The following CSMD1 variants were observed in gnomAD, a reference collection of about 807,000 sequenced individuals.
The protein encoded by CSMD1 is CUB and Sushi multiple domains 1.
CSMD1 carries 213 observed loss-of-function variants against 417.5 expected under a neutral mutation model. That is an observed-to-expected ratio of 0.51 (90% CI 0.46 to 0.57). The LOEUF is 0.57. CSMD1 is among the 20% of genes least tolerant of loss of function. The probability of loss-of-function intolerance (pLI) is 0.00; values close to 1 mark genes in which losing one functional copy is unlikely to be tolerated. For synonymous variants in CSMD1, 2,862 were observed against 1,736.8 expected, an observed-to-expected ratio of 1.65 and a Z score of -16.11; for missense variants, 6,923 against 4,529.7, an observed-to-expected ratio of 1.53 and a Z score of -15.17.
intron 3 of CSMD1, among the ~76,000 whole-genome samples, chr8:4,254,284 T>G (rs1465139608): frequency 1.3e-5 from 2 of 152,060 alleles, no homozygotes; most frequent in East Asian, 3.9e-4. Context: ...GCCAGTTACT[T>G]CCCTAAAAAC....
chr8:3,035,233 G>C (rs373300511), intron 50 of CSMD1, among the ~76,000 whole-genome samples: 5 of 152,242 alleles, frequency 3.3e-5, no homozygotes, highest in African/African-American at 1.2e-4. Context: ...AGATACTGCA[G>C]AGCGCGGCTG....
At chr8:4,173,573 T>G (rs966602871) in intron 3 of CSMD1, among the ~76,000 whole-genome samples, 46 of 152,110 alleles carry the variant, frequency 3.0e-4, no homozygotes, top group Non-Finnish European at 5.7e-4. Flanking sequence ...TCAAATGATG[T>G]AACAATATGA....
intron 18 of CSMD1, among the ~76,000 whole-genome samples, chr8:3,372,680 C>G (rs1810041914): frequency 1.3e-5 from 2 of 152,100 alleles, no homozygotes; most frequent in Admixed American, 1.3e-4. Flanking sequence ...AGAACCAGGT[C>G]ATGAGTGTAA....
intron 21 of CSMD1, among the ~76,000 whole-genome samples, chr8:3,353,285 A>T (rs1808534785): frequency 6.6e-6 from 1 of 152,198 alleles, no homozygotes; most frequent in Non-Finnish European, 1.5e-5. Context: ...TTTTGGAGGC[A>T]TGTCTTCTGA....
chr8:3,556,340 A>G (rs1329323891), intron 10 of CSMD1, among the ~76,000 whole-genome samples: 1 of 147,786 alleles, frequency 6.8e-6, no homozygotes, highest in Non-Finnish European at 1.5e-5. Flanking sequence ...CATGAGTTCA[A>G]TTGATTTTAT....
intron 5 of CSMD1, among the ~76,000 whole-genome samples, chr8:3,995,511 T>C (rs370901940): frequency 1.3e-4 from 20 of 152,184 alleles, no homozygotes; most frequent in East Asian, 3.9e-4. Flanking sequence ...TGACAGGGCA[T>C]TGAAGCTCAG....
chr8:3,304,568 T>C (rs904105862), intron 25 of CSMD1, among the ~76,000 whole-genome samples: 6 of 152,188 alleles, frequency 3.9e-5, no homozygotes, highest in African/African-American at 1.2e-4. Context: ...CCTCTTAAGC[T>C]GCTTATTGGG....
intron 10 of CSMD1, among the ~76,000 whole-genome samples, chr8:3,532,642 T>C (rs1798030633): frequency 6.6e-6 from 1 of 152,222 alleles, no homozygotes; most frequent in Non-Finnish European, 1.5e-5. Flanking sequence ...TACATTCTAT[T>C]ACTCTGAAAC....
intron 3 of CSMD1, among the ~76,000 whole-genome samples, chr8:4,355,817 A>C (rs1801397623): frequency 6.6e-6 from 1 of 152,204 alleles, no homozygotes; most frequent in Non-Finnish European, 1.5e-5. Context: ...TTTGGAAGTG[A>C]AGATTTCTAG....
intron 3 of CSMD1, among the ~76,000 whole-genome samples, chr8:4,316,939 G>A (rs1377335218): frequency 6.6e-6 from 1 of 151,774 alleles, no homozygotes; most frequent in Non-Finnish European, 1.5e-5. Context: ...ATGAAAATAT[G>A]CCACATGTCA....
chr8:4,365,711 G>A (rs534154679), intron 3 of CSMD1, among the ~76,000 whole-genome samples: 1 of 152,226 alleles, frequency 6.6e-6, no homozygotes, highest in Admixed American at 6.5e-5. Context: ...GAGACTTTCT[G>A]CCACGTGCTT....
At position 4,583,974 on chromosome 8, in the gene CSMD1, G is replaced by A. The variant is rs144530469; in HGVS notation, c.302+53368C>T. On this transcript the variant is annotated intron_variant, in intron 2 of 69. Coordinates refer to ENST00000635120, the MANE Select transcript of CSMD1 (RefSeq NM_033225.6). Reference sequence around the variant, plus strand: ...CTGCAGCTTCACTCCTGAAGCCAACGAGACCACAAGCCCACCGGGAGGGGA... The same window carrying A: ...CTGCAGCTTCACTCCTGAAGCCAACAAGACCACAAGCCCACCGGGAGGGGA... Among the ~76,000 whole-genome samples, 280 of 151,964 alleles carry A rather than the reference G, an allele frequency of 1.8e-3. 4 individuals carry two copies. The East Asian group carries it at 0.026, about 14-fold the overall frequency.
chr8:4,156,371 T>C (rs1035659604), intron 3 of CSMD1, among the ~76,000 whole-genome samples: 5 of 152,158 alleles, frequency 3.3e-5, no homozygotes, highest in African/African-American at 1.2e-4. Context: ...CTTAAATGAA[T>C]GCAGAAGCCA....
chr8:3,945,493 T>A (rs996347862), intron 5 of CSMD1, among the ~76,000 whole-genome samples: 14 of 152,120 alleles, frequency 9.2e-5, no homozygotes, highest in Non-Finnish European at 1.9e-4. Context: ...ACTGTGAACT[T>A]CCCATATTTC....
At position 4,125,329 on chromosome 8, in the gene CSMD1, A is replaced by G. The variant is rs188951335; in HGVS notation, c.416-93230T>C. Among the ~76,000 whole-genome samples, 392 of 152,324 alleles carry G rather than the reference A, an allele frequency of 2.6e-3. 4 individuals carry two copies. The highest frequency in any genetic ancestry group is 8.8e-3 in the African/African-American group (365 of 41,572). ...TTTGGAAAAGCTAATTAGAAACTCT[A>G]AAGAGCGCAACTGTTTGTCTCTCAC... On this transcript the variant is annotated intron_variant, in intron 3 of 69. Coordinates refer to ENST00000635120, the MANE Select transcript of CSMD1 (RefSeq NM_033225.6).
intron 3 of CSMD1, among the ~76,000 whole-genome samples, chr8:4,033,040 C>G (rs1797431330): frequency 1.4e-5 from 2 of 144,138 alleles, no homozygotes; most frequent in South Asian, 2.3e-4. Context: ...ACATTGGTCT[C>G]TTCAATACTT....
intron 39 of CSMD1, among the ~76,000 whole-genome samples, chr8:3,155,632 G>A (rs566677706): frequency 1.3e-5 from 2 of 152,140 alleles, no homozygotes; most frequent in East Asian, 1.9e-4. Flanking sequence ...CTCCCAAAGT[G>A]CTGGGATTAC....
At chr8:4,690,549 G>C (rs549776919) in intron 1 of CSMD1, among the ~76,000 whole-genome samples, 2 of 151,996 alleles carry the variant, frequency 1.3e-5, no homozygotes, top group African/African-American at 4.8e-5. Flanking sequence ...ATGACACATC[G>C]CACTTCAGAA....
intron 5 of CSMD1, among the ~76,000 whole-genome samples, chr8:3,791,391 T>A (rs1192200951): frequency 6.6e-6 from 1 of 152,232 alleles, no homozygotes; most frequent in Non-Finnish European, 1.5e-5. Context: ...CTTTCAAAGC[T>A]CTTTGACAGG....
Sources: allele counts gnomAD v4.1 joint callset (sites outside exome capture counted in the v4.1 genomes callset), GRCh38; gene constraint gnomAD v4.1.1; transcripts MANE v1.5; gene names NCBI Gene and HGNC (gene_info 2026-07-23, HGNC 2026-07-21).